ADGRB3: variants seen among roughly 807,000 people sequenced by gnomAD.
ADGRB3 encodes adhesion G protein-coupled receptor B3.
Under a neutral mutation model 193.4 loss-of-function variants are expected in ADGRB3, and 37 were observed. The ratio of observed to expected loss-of-function variants is 0.19; its 90% CI spans 0.15 to 0.25. The LOEUF is 0.25. Among genes scored for constraint, ADGRB3 ranks in the 10% least tolerant of loss-of-function variants. The pLI, the probability that ADGRB3 is intolerant of heterozygous loss-of-function variation, is 1.00. For missense variants in ADGRB3, 1,637 were observed against 1,852.9 expected (o/e 0.88, Z 2.14); for synonymous variants, 690 against 644.2 (o/e 1.07, Z -1.08).
At chr6:69,020,538 G>GT (rs1770233690) in intron 13 of ADGRB3, among the ~76,000 whole-genome samples, 1 of 151,970 alleles carries the variant, frequency 6.6e-6, no homozygotes, top group African/African-American at 2.4e-5. Flanking sequence ...TTATTAAACT[G>GT]TAAGAGGTAT....
At chr6:69,061,794 C>T (rs1289459840) in intron 15 of ADGRB3, among the ~76,000 whole-genome samples, 5 of 43,996 alleles carry the variant, frequency 1.1e-4, no homozygotes, top group Non-Finnish European at 2.8e-4. Flanking sequence ...GCAGCATGTC[C>T]GTGGTTGCCT....
chr6:69,368,986 T>C (rs1181575201), intron 29 of ADGRB3, among the ~76,000 whole-genome samples: 1 of 152,132 alleles, frequency 6.6e-6, no homozygotes, highest in East Asian at 1.9e-4. Flanking sequence ...AAAAGGATTA[T>C]TTACGTTAGG....
At chr6:68,865,022 G>T (rs1468642759) in intron 3 of ADGRB3, among the ~76,000 whole-genome samples, 1 of 152,052 alleles carries the variant, frequency 6.6e-6, no homozygotes, top group African/African-American at 2.4e-5. Flanking sequence ...TGATGAAATT[G>T]CCTGCTTTCT....
Position 69,381,344 on chromosome 6 carries a change from A to G in ADGRB3, c.4276-1487A>G, listed in dbSNP as rs536632667. On this transcript the variant is annotated intron_variant, in intron 30 of 31. Transcript: ENST00000370598. The stretch of plus-strand genomic sequence containing the variant: ...GCTTGCTATGTTTCATGTCCCTATC[A>G]TGAGTAATGTTGCCATGTTCTTGTC... 1.9e-4 allele frequency among the ~76,000 whole-genome samples: 29 copies of G among 152,058 alleles called. No individual in the cohort carries two copies. The East Asian group carries it at 3.1e-3, about 16-fold the overall frequency.
chr6:68,837,098 G>T (rs777657316), intron 3 of ADGRB3, among the ~76,000 whole-genome samples: 2 of 152,072 alleles, frequency 1.3e-5, no homozygotes, highest in Non-Finnish European at 2.9e-5. Flanking sequence ...TTGATAGAAA[G>T]AAATATATTA....
intron 20 of ADGRB3, among the ~76,000 whole-genome samples, chr6:69,296,120 A>G (rs577857852): frequency 3.9e-5 from 6 of 152,138 alleles, no homozygotes; most frequent in African/African-American, 1.4e-4. Flanking sequence ...GTGTTTTACC[A>G]GTGACTCTCA....
intron 20 of ADGRB3, among the ~76,000 whole-genome samples, chr6:69,275,988 G>A (rs1052035950): frequency 6.6e-6 from 1 of 152,044 alleles, no homozygotes; most frequent in South Asian, 2.1e-4. Context: ...TTTAATTGCT[G>A]CATCTCCATG....
chr6:69,041,648 G>A (rs529724742), intron 13 of ADGRB3, among the ~76,000 whole-genome samples: 1 of 151,596 alleles, frequency 6.6e-6, no homozygotes. Flanking sequence ...GTCTCACTCT[G>A]TAGCCCAGGC....
chr6:68,730,738 A>G (rs1453065482), intron 3 of ADGRB3, among the ~76,000 whole-genome samples: 1 of 151,690 alleles, frequency 6.6e-6, no homozygotes, highest in African/African-American at 2.4e-5. Context: ...TTATAAAGAG[A>G]TGTAGTCAGG....
chr6:68,971,906 C>T (rs1327677862), intron 8 of ADGRB3, among the ~76,000 whole-genome samples: 3 of 152,208 alleles, frequency 2.0e-5, no homozygotes, highest in Non-Finnish European at 4.4e-5. Context: ...TTCTTCCTGA[C>T]GCTGCTGCTG....
chr6:69,211,418 A>C (rs1329567472), intron 17 of ADGRB3, among the ~76,000 whole-genome samples: 1 of 152,158 alleles, frequency 6.6e-6, no homozygotes, highest in Non-Finnish European at 1.5e-5. Flanking sequence ...GCCAAACTTA[A>C]TCCTATATAT....
chr6:69,132,390 T>C lies in ADGRB3; in HGVS notation c.2480+56352T>C, dbSNP rs370609176. On this transcript the variant is annotated intron_variant, in intron 17 of 31. Transcript: ENST00000370598. ...CTTATGACCAGTGATGATGAGCTTT[T>C]CTCCATATGTTTGTTGGCCACATAA... Among the ~76,000 whole-genome samples, 38 of 152,378 alleles carry C rather than the reference T, an allele frequency of 2.5e-4. No individual in the cohort carries two copies. The East Asian group carries it at 5.0e-3, about 20-fold the overall frequency.
intron 10 of ADGRB3, among the ~76,000 whole-genome samples, chr6:68,981,848 ATTTAT>A (rs1562109676): frequency 2.7e-5 from 2 of 74,956 alleles, no homozygotes; most frequent in African/African-American, 3.0e-4. Context: ...CTATTTTGTT[ATTTAT>A]TTATTTATTT....
chr6:69,270,434 A>G (rs991507879), intron 20 of ADGRB3, among the ~76,000 whole-genome samples: 1 of 152,184 alleles, frequency 6.6e-6, no homozygotes, highest in Non-Finnish European at 1.5e-5. Flanking sequence ...CATGATTAAA[A>G]TGAAATTATA....
chr6:69,343,146 T>A (rs983184477), intron 26 of ADGRB3, among the ~76,000 whole-genome samples: 2 of 151,550 alleles, frequency 1.3e-5, no homozygotes, highest in African/African-American at 4.8e-5. Flanking sequence ...ATTTTATTTT[T>A]TTTATTTTTT....
chr6:69,288,906 C>T lies in ADGRB3; in HGVS notation c.2815-35966C>T, dbSNP rs147075382. Among the ~76,000 whole-genome samples, 24 of 152,222 alleles carry T rather than the reference C, an allele frequency of 1.6e-4. No individual in the cohort carries two copies. The East Asian group carries it at 2.5e-3, about 16-fold the overall frequency. ...AGCAGAGCCAACTTGCAAAGGAACACGCTTCTCTTTTGTACTCCATACTTC... is the reference window on the plus strand; with the variant it reads ...AGCAGAGCCAACTTGCAAAGGAACATGCTTCTCTTTTGTACTCCATACTTC... On this transcript the variant is annotated intron_variant, in intron 20 of 31. Coordinates refer to ENST00000370598, the MANE Select transcript of ADGRB3 (RefSeq NM_001704.3).
rs573943289 is a variant in ADGRB3, at chr6:68,978,693, T to C, written c.1734+3353T>C. On this transcript the variant is annotated intron_variant, in intron 10 of 31. Transcript: ENST00000370598. Reference sequence around the variant, plus strand: ...AAGTAGCAAAACTGGATAGTATTTGTGATATAGAACATTTGAGACTTCCTC... The same window carrying C: ...AAGTAGCAAAACTGGATAGTATTTGCGATATAGAACATTTGAGACTTCCTC... 1.8e-3 allele frequency among the ~76,000 whole-genome samples: 268 copies of C among 151,628 alleles called. 2 individuals carry two copies. Among genetic ancestry groups the C allele is most frequent in the African/African-American group, 6.1e-3 (252 of 41,534 alleles).
intron 3 of ADGRB3, among the ~76,000 whole-genome samples, chr6:68,782,403 T>C (rs1229447087): frequency 6.6e-6 from 1 of 152,038 alleles, no homozygotes; most frequent in Non-Finnish European, 1.5e-5. Context: ...TCCAAGTCTT[T>C]GCTATTGTGA....
chr6:69,117,188 G>A (rs1478009978), intron 17 of ADGRB3, among the ~76,000 whole-genome samples: 1 of 152,212 alleles, frequency 6.6e-6, no homozygotes. Flanking sequence ...TGTGGATACA[G>A]ATATAATATA....
Sources: allele counts gnomAD v4.1 joint callset (sites outside exome capture counted in the v4.1 genomes callset), GRCh38; gene constraint gnomAD v4.1.1; transcripts MANE v1.5; gene names NCBI Gene and HGNC (gene_info 2026-07-23, HGNC 2026-07-21).